KIF13A: variants seen among roughly 807,000 people sequenced by gnomAD.
The protein encoded by KIF13A is kinesin-like protein KIF13A.
KIF13A carries 79 observed loss-of-function variants against 212.2 expected under a neutral mutation model. The observed-to-expected ratio is 0.37, with a 90% CI of 0.31 to 0.45. The LOEUF is 0.45. Among genes scored for constraint, KIF13A ranks in the 20% least tolerant of loss-of-function variants. KIF13A has a pLI of 1.00. For synonymous variants in KIF13A, 789 were observed against 808.6 expected, an observed-to-expected ratio of 0.98 and a Z score of 0.41; for missense variants, 1,901 against 2,209.0, an observed-to-expected ratio of 0.86 and a Z score of 2.79.
chr6:17,846,228 C>G (rs1348208086), intron 9 of KIF13A, among the ~76,000 whole-genome samples: 1 of 151,568 alleles, frequency 6.6e-6, no homozygotes, highest in South Asian at 2.1e-4. Context: ...AATGCTGGGA[C>G]TACAGGGGTG....
At chr6:17,946,578 C>T (rs369527551) in intron 2 of KIF13A, among the ~76,000 whole-genome samples, 1 of 152,092 alleles carries the variant, frequency 6.6e-6, no homozygotes, top group Non-Finnish European at 1.5e-5. Flanking sequence ...ATTAAAACCA[C>T]AATAAAATAT....
Position 17,856,067 on chromosome 6 carries a change from C to T in KIF13A, c.276G>A (p.Gln92=). ...ATGCAAAAATACACGCATTATACCC[C>T]TGAAAGGCTTTTTCAAGAATTCCTT... The part of the protein sequence containing the change: ...LGEGILEKAF[Q]GYNACIFAYG... The change falls in exon 5 of 39, where the codon CAG becomes CAA. Residue 92 remains glutamine (Q), a synonymous_variant. Coordinates refer to ENST00000259711, the MANE Select transcript of KIF13A (RefSeq NM_022113.6). The surrounding 1 kb of genome is among the most constrained non-coding windows in gnomAD (Gnocchi z 4.5). 6.2e-7 allele frequency: 1 copy of T among 1,613,706 alleles called. No homozygotes were observed. The highest frequency in any genetic ancestry group is 8.5e-7 in the Non-Finnish European group (1 of 1,179,724).
chr6:17,801,426 C>T (rs779449115), intron 20 of KIF13A, among the ~76,000 whole-genome samples: 8 of 152,118 alleles, frequency 5.3e-5, no homozygotes, highest in South Asian at 2.1e-4. Context: ...TGCTTGAACC[C>T]GCGAGGCGGA....
chr6:17,778,016 T>G (rs1371027103), intron 33 of KIF13A, among the ~76,000 whole-genome samples: 1 of 152,094 alleles, frequency 6.6e-6, no homozygotes, highest in African/African-American at 2.4e-5. Context: ...TGGGTGCCTG[T>G]GGTTCCAGCT....
In KIF13A at chr6:17,883,576, A is replaced by G. The variant is rs1771277908; in HGVS notation, c.160-10139T>C. 6.6e-6 allele frequency among the ~76,000 whole-genome samples: 1 copy of G among 152,182 alleles called. No individual in the cohort carries two copies. Among genetic ancestry groups the G allele is most frequent in the African/African-American group, 2.4e-5 (1 of 41,446 alleles). On this transcript the variant is annotated intron_variant, in intron 3 of 38. Transcript: ENST00000259711. This position sits in a 1 kb window ranked among gnomAD's most constrained non-coding sequence, Gnocchi z 4.8. ...CACAGTAACAGACTGGTGTCACCCTACAGGCATTATTTTTGTGTTTACTGG... is the reference window on the plus strand; with the variant it reads ...CACAGTAACAGACTGGTGTCACCCTGCAGGCATTATTTTTGTGTTTACTGG...
intron 16 of KIF13A, among the ~76,000 whole-genome samples, chr6:17,819,854 T>C (rs867435623): frequency 6.6e-6 from 1 of 152,096 alleles, no homozygotes; most frequent in Non-Finnish European, 1.5e-5. Flanking sequence ...AAACAGTATA[T>C]AGGCTCTGGG....
rs567835934 is a variant in KIF13A at position 17,971,490 on chromosome 6, T to C, written c.146+15564A>G. On this transcript the variant is annotated intron_variant, in intron 2 of 38. Coordinates refer to ENST00000259711, the MANE Select transcript of KIF13A (RefSeq NM_022113.6). The surrounding 1 kb of genome is among the most constrained non-coding windows in gnomAD (Gnocchi z 4.2). Reference sequence around the variant, plus strand: ...AGGCTGGAGTGCAGTGGTGTAATCATGGCTCACTGCAGCCTAGACCTTCTG... The same window carrying C: ...AGGCTGGAGTGCAGTGGTGTAATCACGGCTCACTGCAGCCTAGACCTTCTG... Among the ~76,000 whole-genome samples the C allele has an allele frequency of 2.0e-5, 3 of 152,096 alleles. No individual in the cohort carries two copies. The highest frequency in any genetic ancestry group is 4.4e-5 in the Non-Finnish European group (3 of 68,028).
At position 17,838,885 on chromosome 6, in the gene KIF13A, T is replaced by C. The variant is rs1462631369; in HGVS notation, c.831-1302A>G. Among the ~76,000 whole-genome samples the C allele has an allele frequency of 6.6e-6, 1 of 152,124 alleles. No individual in the cohort carries two copies. The highest frequency in any genetic ancestry group is 2.4e-5 in the African/African-American group (1 of 41,430). On this transcript the variant is annotated intron_variant, in intron 9 of 38. Coordinates refer to ENST00000259711, the MANE Select transcript of KIF13A (RefSeq NM_022113.6). The surrounding 1 kb of genome is among the most constrained non-coding windows in gnomAD (Gnocchi z 4.2). ...GCTGGAGTTCAGTGGCATGATATGA[T>C]TTTGGCTCAATGCAACCTCCACCTC...
At chr6:17,815,594 CT>C in intron 17 of KIF13A, 1 of 440,376 alleles carries the variant, frequency 2.3e-6, no homozygotes, top group Non-Finnish European at 4.6e-6. Context: ...CACTGTGTCC[CT>C]TCAGCTCCTA....
Position 17,856,240 on chromosome 6 carries a change from C to G in KIF13A, c.221-118G>C. ...ATGTTAAAAGTGTAGTACCGAGTGC[C>G]CACTAAGTACAGGGCTGTGTATTAA... On this transcript the variant is annotated intron_variant, in intron 4 of 38. Coordinates refer to ENST00000259711, the MANE Select transcript of KIF13A (RefSeq NM_022113.6). This position sits in a 1 kb window ranked among gnomAD's most constrained non-coding sequence, Gnocchi z 4.5. 2.9e-6 allele frequency: 2 copies of G among 678,632 alleles called. No individual in the cohort carries two copies. Among genetic ancestry groups the G allele is most frequent in the Non-Finnish European group, 5.1e-6 (2 of 391,406 alleles). The allele number at this position is 678,632 out of a possible 1,614,324, so 42.0% of individuals were successfully genotyped here.
chr6:17,771,671 TA>T lies in KIF13A; in HGVS notation c.4476+236del. 1 of 426,228 alleles carries T rather than the reference TA, an allele frequency of 2.3e-6. No individual in the cohort carries two copies. Among genetic ancestry groups the T allele is most frequent in the Non-Finnish European group, 4.2e-6 (1 of 239,992 alleles). The allele number at this position is 426,228 out of a possible 1,614,324, so 26.4% of individuals were successfully genotyped here. On this transcript the variant is annotated intron_variant, in intron 37 of 38. Transcript: ENST00000259711. The surrounding 1 kb of genome is among the most constrained non-coding windows in gnomAD (Gnocchi z 5.4). ...GAAAACATCTTTCTCACTTGAAACA[TA>T]AAAAAATACTTTGAAAAGCCATAAA...
At chr6:17,911,287 G>A (rs1774037038) in intron 2 of KIF13A, among the ~76,000 whole-genome samples, 1 of 152,220 alleles carries the variant, frequency 6.6e-6, no homozygotes, top group Non-Finnish European at 1.5e-5. Flanking sequence ...ACCCAGAGTA[G>A]TGACCCTCCA....
intron 4 of KIF13A, among the ~76,000 whole-genome samples, chr6:17,868,116 C>T (rs1200911872): frequency 1.3e-5 from 2 of 152,242 alleles, no homozygotes; most frequent in African/African-American, 2.4e-5. Flanking sequence ...TGCCATATGG[C>T]AAGAACTGTT....
chr6:17,771,980 C>T lies in KIF13A; in HGVS notation c.4404G>A (p.Lys1468=). ...AFSPQPPKFF[K]PLMPVKEEHK... ...GCTCCTCTTTTACAGGCATTAGGGG[C>T]TTGAAAAACTTTGGTGGCTGAGGAG... Residue 1468 remains lysine (K), a synonymous_variant, in exon 37 of 39, where the codon AAG becomes AAA. Transcript: ENST00000259711. The surrounding 1 kb of genome is among the most constrained non-coding windows in gnomAD (Gnocchi z 5.4). 1 of 1,613,918 alleles carries T rather than the reference C, an allele frequency of 6.2e-7. No homozygotes were observed. The highest frequency in any genetic ancestry group is 1.6e-4 in the Middle Eastern group (1 of 6,062).
At chr6:17,812,355 C>T (rs1763502005) in intron 17 of KIF13A, 1 of 151,960 alleles carries the variant, frequency 6.6e-6, no homozygotes, top group South Asian at 2.1e-4. Context: ...TCCCACAGGC[C>T]CCAGTGTCTG....
chr6:17,796,919 G>GC, intron 22 of KIF13A, 99 bp from the exon 23 acceptor site: 1 of 652,202 alleles, frequency 1.5e-6, no homozygotes. Context: ...GAGTATATTA[G>GC]CCTGATCGTG....
chr6:17,960,723 T>C (rs565209375), intron 2 of KIF13A, among the ~76,000 whole-genome samples: 5 of 152,300 alleles, frequency 3.3e-5, no homozygotes, highest in East Asian at 1.9e-4. Context: ...TTATATGTCA[T>C]TCCTCAGAGG....
intron 3 of KIF13A, among the ~76,000 whole-genome samples, chr6:17,878,011 C>A (rs1369885826): frequency 6.6e-6 from 1 of 152,190 alleles, no homozygotes; most frequent in African/African-American, 2.4e-5. Flanking sequence ...AAAAAACATG[C>A]AAAGACTCGT....
chr6:17,889,771 G>T (rs9477550), intron 3 of KIF13A, among the ~76,000 whole-genome samples: 87,005 of 152,000 alleles, frequency 0.57, 26,567 homozygotes, highest in East Asian at 0.76. Flanking sequence ...GCCTAGACTG[G>T]AGCCAAGCTC....
Sources: gnomAD v4.1 joint callset for allele counts (sites outside exome capture counted in the v4.1 genomes callset) on GRCh38, gnomAD v4.1.1 for gene constraint, Gnocchi (gnomAD v3.1) non-coding constraint, MANE v1.5 for transcripts, NCBI Gene and HGNC (gene_info 2026-07-23, HGNC 2026-07-21) for gene names.